IFT122: variants seen among roughly 807,000 people sequenced by gnomAD.
The protein encoded by IFT122 is intraflagellar transport protein 122 homolog.
A neutral mutation model predicts 161.6 loss-of-function variants in IFT122; 118 were observed. The observed-to-expected ratio is 0.73, with a 90% CI of 0.63 to 0.85. IFT122 has a LOEUF of 0.85. Among genes scored for constraint, IFT122 ranks in the 40% least tolerant of loss-of-function variants. IFT122 has a pLI of 0.00. For missense variants in IFT122, 1,381 were observed against 1,579.6 expected (o/e 0.87, Z 2.13); for synonymous variants, 550 against 602.4 (o/e 0.91, Z 1.27).
chr3:129,476,435 CG>C lies in IFT122; in HGVS notation c.939del (p.Thr316LeufsTer54). 1 of 1,614,044 alleles carries C rather than the reference CG, an allele frequency of 6.2e-7. No individual in the cohort carries two copies. The highest frequency in any genetic ancestry group is 8.5e-7 in the Non-Finnish European group (1 of 1,180,014). ...ATCTCTTTTCACCAAGGATGGAGTG[CG>C]GCTTGGGACTGTTGGGGAGCAGAAC... ...QVSLFTKDGV[R>X]LGTVGEQNSW... On this transcript the variant is annotated frameshift_variant, in exon 10 of 30. Coordinates refer to ENST00000348417, the MANE Select transcript of IFT122 (RefSeq NM_052989.3). LOFTEE classifies it high-confidence loss of function.
intron 16 of IFT122, among the ~76,000 whole-genome samples, chr3:129,490,407 C>T (rs1338602193): frequency 6.6e-6 from 1 of 152,168 alleles, no homozygotes; most frequent in Admixed American, 6.5e-5. Context: ...TCCCGCCAGA[C>T]CCTGAGCAGA....
At position 129,458,678 on chromosome 3, in the gene IFT122, GTAAGTAACT is replaced by G; in HGVS notation, c.272+4_272+12del. The G allele has an allele frequency of 1.3e-6, 2 of 1,591,308 alleles. No individual in the cohort carries two copies. The highest frequency in any genetic ancestry group is 1.7e-6 in the Non-Finnish European group (2 of 1,159,188). On this transcript the variant is annotated splice_donor_variant and splice_donor_5th_base_variant and intron_variant, in intron 4 of 29. Transcript: ENST00000348417. LOFTEE classifies it high-confidence loss of function. ...AACTGGAAGGCATTCTGAAGTACAC[GTAAGTAACT>G]TAGGTGTACAGTATTATGAGTTTGA... is the stretch of plus-strand genomic sequence containing the variant.
At chr3:129,498,212 C>G (rs1053333590) in intron 18 of IFT122, among the ~76,000 whole-genome samples, 6 of 152,242 alleles carry the variant, frequency 3.9e-5, no homozygotes, top group Non-Finnish European at 8.8e-5. Context: ...GAGTGACCAG[C>G]TGGCCTAGGC....
chr3:129,497,609 C>CA (rs1445231630), intron 18 of IFT122, among the ~76,000 whole-genome samples: 1 of 152,190 alleles, frequency 6.6e-6, no homozygotes, highest in African/African-American at 2.4e-5. Flanking sequence ...CACAGCCTCC[C>CA]ACCAGAACTG....
At chr3:129,440,792 A>G (rs1559813614) in intron 1 of IFT122, among the ~76,000 whole-genome samples, 2 of 152,220 alleles carry the variant, frequency 1.3e-5, no homozygotes, top group Non-Finnish European at 2.9e-5. Flanking sequence ...TTACAAGGAA[A>G]CTTTATTACT....
intron 29 of IFT122, among the ~76,000 whole-genome samples, 198 bp downstream of exon 29, chr3:129,519,930 A>G (rs1333631408): frequency 6.6e-6 from 1 of 152,002 alleles, no homozygotes; most frequent in Non-Finnish European, 1.5e-5. Context: ...TGCGCTGTCC[A>G]CATCCTCCCC....
At chr3:129,505,965 T>A (rs1457789397) in intron 21 of IFT122, among the ~76,000 whole-genome samples, 1 of 152,208 alleles carries the variant, frequency 6.6e-6, no homozygotes, top group Non-Finnish European at 1.5e-5. Flanking sequence ...TTCATAAGTC[T>A]GTGGTGAGGA....
rs1409307836 is a variant in IFT122 at position 129,460,995 on chromosome 3, A to G, written c.273-233A>G. On this transcript the variant is annotated intron_variant, in intron 4 of 29. Transcript: ENST00000348417. ...GCTTGAGGCCAAGCGTTCAAAACCA[A>G]CCTGGCCAAAAGTGAGTCCCCATCT... 4.1e-6 allele frequency: 6 copies of G among 1,458,880 alleles called. No individual in the cohort carries two copies. The highest frequency in any genetic ancestry group is 4.5e-5 in the East Asian group (2 of 44,142). 90.4% of individuals were successfully genotyped at this position (1,458,880 alleles called of 1,614,324 possible). A position where few individuals can be genotyped will look rare whatever the true frequency, so the allele number is the denominator to read the frequency against.
intron 16 of IFT122, among the ~76,000 whole-genome samples, chr3:129,490,661 T>G (rs960871231): frequency 2.0e-5 from 3 of 152,174 alleles, no homozygotes; most frequent in African/African-American, 7.2e-5. Context: ...AGCAGAGAAG[T>G]AGGCTCAGAG....
At position 129,520,496 on chromosome 3, in the gene IFT122, C is replaced by A; in HGVS notation, c.*231C>A. ...ACATATATTTTCTAAGGAAAAAAAT[C>A]TGTTACTTTCAGAACGGCTCCGAGT... On this transcript the variant is annotated 3_prime_UTR_variant, in exon 30 of 30. Transcript: ENST00000348417. The A allele has an allele frequency of 1.6e-6, 1 of 606,720 alleles. No homozygotes were observed. Among genetic ancestry groups the A allele is most frequent in the South Asian group, 1.9e-5 (1 of 52,576 alleles). The allele number at this position is 606,720 out of a possible 1,614,324, so 37.6% of individuals were successfully genotyped here.
At chr3:129,495,783 A>T (rs959510213) in intron 18 of IFT122, among the ~76,000 whole-genome samples, 176 bp downstream of exon 18, 1 of 152,168 alleles carries the variant, frequency 6.6e-6, no homozygotes, top group Non-Finnish European at 1.5e-5. Flanking sequence ...GTTGAAACTC[A>T]CCTAAAACTG....
At chr3:129,496,031 A>G (rs1202610878) in intron 18 of IFT122, among the ~76,000 whole-genome samples, 1 of 152,238 alleles carries the variant, frequency 6.6e-6, no homozygotes, top group Admixed American at 6.5e-5. Flanking sequence ...CTGCCAGCCA[A>G]GTTTCCCATA....
At chr3:129,455,199 G>T (rs1397853873) in intron 3 of IFT122, among the ~76,000 whole-genome samples, 3 of 150,362 alleles carry the variant, frequency 2.0e-5, no homozygotes, top group African/African-American at 7.4e-5. Flanking sequence ...TTGAGATGAA[G>T]TCTCGCTCTG....
At chr3:129,488,175 T>C in intron 15 of IFT122, 82 bp from the exon 16 acceptor site, 2 of 1,610,234 alleles carry the variant, frequency 1.2e-6, no homozygotes, top group Non-Finnish European at 1.7e-6. Context: ...CCCACGCATC[T>C]GGAGGCAGGC....
At chr3:129,514,993 CT>C in intron 25 of IFT122, 1 of 363,158 alleles carries the variant, frequency 2.8e-6, no homozygotes, top group Non-Finnish European at 5.2e-6. Context: ...CAGCTTCCTT[CT>C]TTCACACATC....
intron 3 of IFT122, among the ~76,000 whole-genome samples, chr3:129,454,936 A>G (rs917914052): frequency 1.3e-4 from 20 of 152,148 alleles, no homozygotes; most frequent in African/African-American, 4.8e-4. Context: ...ACAGACTTGG[A>G]GCAATTACAG....
At chr3:129,456,887 G>A (rs1053191023) in intron 3 of IFT122, among the ~76,000 whole-genome samples, 1 of 152,216 alleles carries the variant, frequency 6.6e-6, no homozygotes, top group African/African-American at 2.4e-5. Context: ...CTGCACTATA[G>A]CCTGGGCAAC....
At chr3:129,507,600 C>A in intron 22 of IFT122, 68 bp from the exon 23 acceptor site, 1 of 1,239,506 alleles carries the variant, frequency 8.1e-7, no homozygotes, top group Admixed American at 1.7e-5. Flanking sequence ...GGCCCCTCCT[C>A]CTGGGGCCAG....
At chr3:129,450,955 C>T (rs1334671091) in intron 2 of IFT122, among the ~76,000 whole-genome samples, 2 of 151,918 alleles carry the variant, frequency 1.3e-5, no homozygotes, top group African/African-American at 2.4e-5. Context: ...CTCCTGACCT[C>T]GTAATCCACC....
Sources: gnomAD v4.1 joint callset for allele counts (sites outside exome capture counted in the v4.1 genomes callset) on GRCh38, gnomAD v4.1.1 for gene constraint, MANE v1.5 for transcripts, NCBI Gene and HGNC (gene_info 2026-07-23, HGNC 2026-07-21) for gene names.